Variants in S100Z observed in about 807,000 individuals in gnomAD.
S100Z encodes the protein S100 calcium binding protein Z.
A neutral mutation model predicts 8.5 loss-of-function variants in S100Z; 11 were observed. The observed-to-expected ratio is 1.30, with a 90% confidence interval of 0.82 to 2.15. The LOEUF is 2.15. Ranked by LOEUF, S100Z falls within the 30% of genes most tolerant of loss-of-function variation. S100Z has a pLI of 0.00. For synonymous variants in S100Z, 34 were observed against 43.8 expected (o/e 0.78, Z 0.89); for missense variants, 126 against 117.9 (o/e 1.07, Z -0.32).
chr5:76,856,524 C>G (rs1231471353), intron 1 of S100Z, among the ~76,000 whole-genome samples: 2 of 152,180 alleles, frequency 1.3e-5, no homozygotes, highest in Non-Finnish European at 2.9e-5. Flanking sequence ...TACAAATTAC[C>G]GAGTCTCAGG....
the S100Z span, among the ~76,000 whole-genome samples, chr5:76,947,206 C>G: frequency 0.079 from 11,989 of 151,330 alleles, 771 homozygotes; most frequent in African/African-American, 0.18. Context: ...TCCTGGCCCC[C>G]CCATGTATTC....
downstream of S100Z, among the ~76,000 whole-genome samples, chr5:76,922,016 C>A (rs1745057484): frequency 6.6e-6 from 1 of 151,078 alleles, no homozygotes; most frequent in Non-Finnish European, 1.5e-5. Context: ...AAAAAGAAAG[C>A]AAATCCTAGG....
At chr5:76,933,844 C>G in the S100Z span, among the ~76,000 whole-genome samples, 5 of 151,446 alleles carry the variant, frequency 3.3e-5, no homozygotes. Context: ...AACTTTTTCA[C>G]CATCCCAAAC....
At chr5:76,929,236 G>T in the S100Z span, among the ~76,000 whole-genome samples, 1 of 152,186 alleles carries the variant, frequency 6.6e-6, no homozygotes, top group African/African-American at 2.4e-5. Flanking sequence ...ATTTTTACAT[G>T]GCAGAGAGAA....
intron 4 of S100Z, among the ~76,000 whole-genome samples, chr5:76,919,130 T>A (rs962563291): frequency 1.3e-5 from 2 of 152,230 alleles, no homozygotes; most frequent in East Asian, 1.9e-4. Context: ...TTGCCAATTA[T>A]GAATAAAGTT....
At chr5:76,950,363 T>C in the S100Z span, among the ~76,000 whole-genome samples, 11,925 of 152,136 alleles carry the variant, frequency 0.078, 766 homozygotes, top group African/African-American at 0.18. Context: ...GTGTCAGAAG[T>C]TCTCTGTGTG....
chr5:76,886,602 G>A (rs960946976), intron 4 of S100Z, among the ~76,000 whole-genome samples: 6 of 152,170 alleles, frequency 3.9e-5, no homozygotes, highest in Non-Finnish European at 5.9e-5. Flanking sequence ...TCATATGTCC[G>A]TGTGAAGAGA....
At chr5:76,938,548 C>T in the S100Z span, among the ~76,000 whole-genome samples, 1 of 152,142 alleles carries the variant, frequency 6.6e-6, no homozygotes, top group Non-Finnish European at 1.5e-5. Flanking sequence ...ACTTTCTGAG[C>T]CCCCACAGTG....
chr5:76,927,362 G>C, the S100Z span, among the ~76,000 whole-genome samples: 1 of 152,184 alleles, frequency 6.6e-6, no homozygotes, highest in Non-Finnish European at 1.5e-5. Context: ...CCAGGTGTCA[G>C]TGGAAGATGC....
At chr5:76,906,492 C>CT (rs1182383128) in intron 4 of S100Z, among the ~76,000 whole-genome samples, 1 of 152,108 alleles carries the variant, frequency 6.6e-6, no homozygotes, top group Non-Finnish European at 1.5e-5. Flanking sequence ...TCTAGTTCAA[C>CT]TTTTTTATAT....
At chr5:76,907,138 T>A (rs534629762) in intron 4 of S100Z, among the ~76,000 whole-genome samples, 1 of 151,672 alleles carries the variant, frequency 6.6e-6, no homozygotes, top group Admixed American at 6.6e-5. Flanking sequence ...TGTTTCAATA[T>A]TATCAAGACT....
chr5:76,945,396 C>T, the S100Z span, among the ~76,000 whole-genome samples: 8 of 152,144 alleles, frequency 5.3e-5, no homozygotes, highest in Non-Finnish European at 8.8e-5. Context: ...GGAGGATTAG[C>T]AAAAGAGGAA....
At chr5:76,899,809 T>G (rs1744171414) in intron 4 of S100Z, among the ~76,000 whole-genome samples, 1 of 152,332 alleles carries the variant, frequency 6.6e-6, no homozygotes, top group Admixed American at 6.5e-5. Flanking sequence ...TTATTCTTTG[T>G]TTTTCTCTAT....
the S100Z span, among the ~76,000 whole-genome samples, chr5:76,939,095 G>T: frequency 6.6e-6 from 1 of 151,992 alleles, no homozygotes; most frequent in Non-Finnish European, 1.5e-5. Context: ...TGACTGCTCT[G>T]CTCTTCCAAT....
chr5:76,850,332 G>A (rs1270048938), intron 1 of S100Z, among the ~76,000 whole-genome samples, 177 bp downstream of exon 1: 1 of 124,148 alleles, frequency 8.1e-6, no homozygotes, highest in Non-Finnish European at 1.7e-5. Flanking sequence ...TCGGGGGGGT[G>A]GGGGAGAGAG....
intron 4 of S100Z, among the ~76,000 whole-genome samples, chr5:76,881,067 G>T (rs1743387144): frequency 6.6e-6 from 1 of 152,168 alleles, no homozygotes. Context: ...AAGTATAAAA[G>T]TAAAGAATAG....
intron 4 of S100Z, among the ~76,000 whole-genome samples, chr5:76,920,349 G>A (rs1745000215): frequency 6.6e-6 from 1 of 152,122 alleles, no homozygotes; most frequent in Non-Finnish European, 1.5e-5. Flanking sequence ...TTTTTTATAT[G>A]TTTACTGGCC....
chr5:76,932,600 C>T, the S100Z span, among the ~76,000 whole-genome samples: 6 of 152,228 alleles, frequency 3.9e-5, no homozygotes, highest in East Asian at 3.9e-4. Flanking sequence ...GTGATCCGCC[C>T]GCCTTGGCCT....
intron 4 of S100Z, among the ~76,000 whole-genome samples, chr5:76,885,745 C>T (rs1743596682): frequency 6.7e-6 from 1 of 148,706 alleles, no homozygotes; most frequent in African/African-American, 2.5e-5. Context: ...TGCTTGCCCC[C>T]CAGGAAAGTG....
Sources: gnomAD v4.1 joint callset for allele counts (sites outside exome capture counted in the v4.1 genomes callset) on GRCh38, gnomAD v4.1.1 for gene constraint, MANE v1.5 for transcripts, NCBI Gene and HGNC (gene_info 2026-07-23, HGNC 2026-07-21) for gene names.